Variants in TCF4 observed in about 807,000 individuals in gnomAD.
TCF4 encodes the protein transcription factor 4.
Under a neutral mutation model 82.1 loss-of-function variants are expected in TCF4, and 3 were observed. The ratio of observed to expected loss-of-function variants is 0.04; its 90% confidence interval spans 0.02 to 0.09. The LOEUF is 0.09. TCF4 is among the 10% of genes least tolerant of loss of function. The pLI is 1.00. For missense variants in TCF4, 518 were observed against 852.7 expected (o/e 0.61, Z 4.89); for synonymous variants, 276 against 309.6 (o/e 0.89, Z 1.14).
chr18:55,393,615 G>T (rs191916987), intron 6 of TCF4, among the ~76,000 whole-genome samples: 72 of 152,206 alleles, frequency 4.7e-4, no homozygotes, highest in African/African-American at 1.6e-3. Flanking sequence ...GCATGTTAGG[G>T]TCCTTTCCCT....
chr18:55,359,517 T>TA (rs2084527310), intron 6 of TCF4, among the ~76,000 whole-genome samples: 1 of 152,214 alleles, frequency 6.6e-6, no homozygotes, highest in African/African-American at 2.4e-5. Context: ...CGGTACACAG[T>TA]ATGCCCTCAG....
At chr18:55,569,279 C>T (rs1324226704) in intron 3 of TCF4, among the ~76,000 whole-genome samples, 1 of 149,428 alleles carries the variant, frequency 6.7e-6, no homozygotes, top group Middle Eastern at 3.6e-3. Context: ...TTGAGTCACA[C>T]ATGATGTGAC....
chr18:55,589,374 A>G (rs2097678997), upstream of TCF4: 1 of 1,054,882 alleles, frequency 9.5e-7, no homozygotes, highest in Non-Finnish European at 1.1e-6. Flanking sequence ...TTCTGCAAGT[A>G]CTTAGTATCT....
intron 5 of TCF4, among the ~76,000 whole-genome samples, chr18:55,457,959 AATAC>A (rs1275958549): frequency 6.6e-6 from 1 of 152,216 alleles, no homozygotes; most frequent in Non-Finnish European, 1.5e-5. Context: ...TAAAGAACAA[AATAC>A]ATAATTAATG....
Position 55,426,890 on chromosome 18 carries a change from A to C in TCF4, c.305-23372T>G, listed in dbSNP as rs574008412. Among the ~76,000 whole-genome samples, 8 of 152,234 alleles carry C rather than the reference A, an allele frequency of 5.3e-5. No individual in the cohort carries two copies. In the East Asian group the frequency reaches 1.5e-3, roughly 29 times the overall value. Reference sequence around the variant, plus strand: ...CACACACACACTCCTCAAAGCTTCTAGTGTGTCTACCAACCAGTGTCATCA... The same window carrying C: ...CACACACACACTCCTCAAAGCTTCTCGTGTGTCTACCAACCAGTGTCATCA... On this transcript the variant is annotated intron_variant, in intron 5 of 19. Transcript: ENST00000354452.
chr18:55,403,074 G>A lies in TCF4; in HGVS notation c.369+380C>T, dbSNP rs371937369. ...CTATAATTTAGGGCAATAGCCACCCGAAACCCAGGGTCTGACACATGACTC... is the reference window on the plus strand; with the variant it reads ...CTATAATTTAGGGCAATAGCCACCCAAAACCCAGGGTCTGACACATGACTC... On this transcript the variant is annotated intron_variant, in intron 6 of 19. Transcript: ENST00000354452. 1.1e-4 allele frequency among the ~76,000 whole-genome samples: 16 copies of A among 152,192 alleles called. 1 individual carries two copies. In the South Asian group the frequency reaches 2.1e-3, roughly 20 times the overall value.
At chr18:55,302,570 G>A in intron 8 of TCF4, 1 of 1,534,670 alleles carries the variant, frequency 6.5e-7, no homozygotes. Flanking sequence ...CAGGACCACA[G>A]CCCAGAATTC....
chr18:55,483,924 G>C (rs72930756), intron 3 of TCF4, among the ~76,000 whole-genome samples: 6,627 of 152,250 alleles, frequency 0.044, 152 homozygotes, highest in Non-Finnish European at 0.052. Context: ...AAATATCCTA[G>C]AGCAGTTTAC....
At chr18:55,261,371 T>C in intron 12 of TCF4, 95 bp downstream of exon 12, 1 of 1,456,982 alleles carries the variant, frequency 6.9e-7, no homozygotes, top group African/African-American at 1.4e-5. Context: ...CAAAGCTATT[T>C]GCCATTCATT....
At chr18:55,562,461 T>G (rs1276813873) in intron 3 of TCF4, among the ~76,000 whole-genome samples, 1 of 152,140 alleles carries the variant, frequency 6.6e-6, no homozygotes. Flanking sequence ...GTCCTGCCAG[T>G]AACCAAAATA....
chr18:55,254,263 T>C (rs2056153150), intron 15 of TCF4, among the ~76,000 whole-genome samples: 1 of 152,124 alleles, frequency 6.6e-6, no homozygotes, highest in Admixed American at 6.6e-5. Context: ...GCAACGGGGA[T>C]TCTTTTCTTT....
chr18:55,560,200 G>T (rs1568399940), intron 3 of TCF4, among the ~76,000 whole-genome samples: 1 of 152,136 alleles, frequency 6.6e-6, no homozygotes, highest in Non-Finnish European at 1.5e-5. Flanking sequence ...CCAAACAAAT[G>T]ACCCATGATG....
At chr18:55,428,741 T>C (rs77453139) in intron 5 of TCF4, among the ~76,000 whole-genome samples, 320 of 152,306 alleles carry the variant, frequency 2.1e-3, no homozygotes, top group Non-Finnish European at 3.6e-3. Context: ...TCACAGAGCA[T>C]GGATTTCAGG....
chr18:55,334,643 A>T (rs1377091487), intron 8 of TCF4, among the ~76,000 whole-genome samples: 1 of 152,176 alleles, frequency 6.6e-6, no homozygotes, highest in Non-Finnish European at 1.5e-5. Flanking sequence ...AAAATAAAAT[A>T]AGTGATACCA....
chr18:55,520,227 G>C (rs1422231139), intron 3 of TCF4, among the ~76,000 whole-genome samples: 1 of 152,038 alleles, frequency 6.6e-6, no homozygotes, highest in Non-Finnish European at 1.5e-5. Flanking sequence ...TTGACCTTTA[G>C]AAGACCAAAT....
intron 5 of TCF4, among the ~76,000 whole-genome samples, chr18:55,415,061 A>T (rs1387889114): frequency 1.3e-5 from 2 of 152,190 alleles, no homozygotes; most frequent in Non-Finnish European, 2.9e-5. Flanking sequence ...TGACTTATCT[A>T]TCCCCTTTTA....
At chr18:55,408,526 G>C (rs2094201265) in intron 5 of TCF4, among the ~76,000 whole-genome samples, 1 of 152,128 alleles carries the variant, frequency 6.6e-6, no homozygotes, top group Non-Finnish European at 1.5e-5. Context: ...ATTATTTACA[G>C]TCCTTCATCG....
intron 6 of TCF4, among the ~76,000 whole-genome samples, chr18:55,388,502 A>G (rs1232993212): frequency 6.6e-6 from 1 of 152,226 alleles, no homozygotes; most frequent in African/African-American, 2.4e-5. Flanking sequence ...TGATATACAG[A>G]TTGCTAGGTT....
At chr18:55,320,175 A>C (rs1324681519) in intron 8 of TCF4, among the ~76,000 whole-genome samples, 2 of 152,024 alleles carry the variant, frequency 1.3e-5, no homozygotes, top group African/African-American at 4.8e-5. Flanking sequence ...TACCAATTGC[A>C]AATCATGTAC....
Sources: gnomAD v4.1 joint callset for allele counts (sites outside exome capture counted in the v4.1 genomes callset) on GRCh38, gnomAD v4.1.1 for gene constraint, MANE v1.5 for transcripts, NCBI Gene and HGNC (gene_info 2026-07-23, HGNC 2026-07-21) for gene names.